Variants in RBFOX1 observed in about 807,000 individuals in gnomAD.
RBFOX1 encodes RNA binding fox-1 homolog 1, also known as RNA binding protein fox-1 homolog 1.
In RBFOX1, 8 loss-of-function variants were observed where a neutral mutation model predicts 57.7. That is an observed-to-expected ratio of 0.14 (90% CI 0.08 to 0.25). The LOEUF (loss-of-function observed/expected upper bound fraction) is 0.25, where lower values mean the gene tolerates loss of function less well. RBFOX1 is among the 10% of genes least tolerant of loss of function. The pLI, the probability that RBFOX1 is intolerant of heterozygous loss-of-function variation, is 1.00. For synonymous variants in RBFOX1, 326 were observed against 222.4 expected, an observed-to-expected ratio of 1.47 and a Z score of -4.15; for missense variants, 611 against 548.5, an observed-to-expected ratio of 1.11 and a Z score of -1.14.
chr16:6,442,234 C>T (rs550067195), intron 2 of RBFOX1, among the ~76,000 whole-genome samples: 24 of 152,214 alleles, frequency 1.6e-4, no homozygotes, highest in Non-Finnish European at 2.2e-4. Flanking sequence ...GGGGACACAT[C>T]CACTCGAATG....
At chr16:7,412,732 T>G (rs2098441485) in intron 4 of RBFOX1, among the ~76,000 whole-genome samples, 1 of 152,190 alleles carries the variant, frequency 6.6e-6, no homozygotes, top group South Asian at 2.1e-4. Flanking sequence ...AATTCAGATT[T>G]TCCCAGGCTG....
intron 3 of RBFOX1, among the ~76,000 whole-genome samples, chr16:6,686,305 C>G (rs1603415226): frequency 6.6e-6 from 1 of 152,164 alleles, no homozygotes; most frequent in African/African-American, 2.4e-5. Context: ...GGGAACTTCA[C>G]AGATTTGTGT....
At chr16:7,049,862 CATAAA>C (rs1200316265) in intron 3 of RBFOX1, among the ~76,000 whole-genome samples, 1 of 152,166 alleles carries the variant, frequency 6.6e-6, no homozygotes, top group African/African-American at 2.4e-5. Flanking sequence ...TTAAAATACA[CATAAA>C]ATAAAATTTA....
At chr16:7,249,366 C>T (rs531694335) in intron 4 of RBFOX1, among the ~76,000 whole-genome samples, 1 of 151,948 alleles carries the variant, frequency 6.6e-6, no homozygotes, top group Non-Finnish European at 1.5e-5. Flanking sequence ...AGAACAAAAT[C>T]TACCTGAGAA....
At chr16:6,194,888 G>C (rs1166852377) in intron 1 of RBFOX1, among the ~76,000 whole-genome samples, 2 of 152,168 alleles carry the variant, frequency 1.3e-5, no homozygotes, top group Non-Finnish European at 2.9e-5. Context: ...CTTAATATCT[G>C]AGTGACTACT....
chr16:6,731,335 A>G (rs909654482), intron 3 of RBFOX1, among the ~76,000 whole-genome samples: 1 of 152,158 alleles, frequency 6.6e-6, no homozygotes, highest in Non-Finnish European at 1.5e-5. Flanking sequence ...CTGACCATAT[A>G]TCATTGTGGA....
intron 2 of RBFOX1, among the ~76,000 whole-genome samples, chr16:5,474,846 T>C (rs1260764495): frequency 6.6e-6 from 1 of 152,230 alleles, no homozygotes; most frequent in Non-Finnish European, 1.5e-5. Context: ...CCCGTACATA[T>C]TCTGAGCCCA....
chr16:6,250,713 A>G (rs2097603020), intron 1 of RBFOX1, among the ~76,000 whole-genome samples: 1 of 152,142 alleles, frequency 6.6e-6, no homozygotes, highest in Non-Finnish European at 1.5e-5. Context: ...TGTTGCAGAG[A>G]GGAAACAGAC....
At chr16:5,956,159 T>C (rs897179559) in intron 4 of RBFOX1, among the ~76,000 whole-genome samples, 1 of 151,940 alleles carries the variant, frequency 6.6e-6, no homozygotes, top group African/African-American at 2.4e-5. Context: ...ACCTGTACCC[T>C]CAGCTGCTCC....
chr16:6,398,790 A>G lies in RBFOX1; in HGVS notation c.-64+81733A>G, dbSNP rs187409116. Among the ~76,000 whole-genome samples, 168 of 152,314 alleles carry G rather than the reference A, an allele frequency of 1.1e-3. 2 individuals carry two copies. Among genetic ancestry groups the G allele is most frequent in the East Asian group, 9.7e-4 (5 of 5,168 alleles). On this transcript the variant is annotated intron_variant, in intron 2 of 15. Coordinates refer to ENST00000550418, the MANE Select transcript of RBFOX1 (RefSeq NM_018723.4). Reference sequence around the variant, plus strand: ...TGCAGCTTTTCCAGGTGCACAGTCCAGGCTGTCGCTAGATCTACCATGCTA... The same window carrying G: ...TGCAGCTTTTCCAGGTGCACAGTCCGGGCTGTCGCTAGATCTACCATGCTA...
At chr16:5,859,886 G>A (rs1188468450) in intron 3 of RBFOX1, among the ~76,000 whole-genome samples, 2 of 152,200 alleles carry the variant, frequency 1.3e-5, no homozygotes, top group East Asian at 1.9e-4. Flanking sequence ...CTGGGCATGA[G>A]TTGACTCAGG....
At chr16:6,123,292 A>G (rs544711440) in intron 1 of RBFOX1, among the ~76,000 whole-genome samples, 1 of 152,386 alleles carries the variant, frequency 6.6e-6, no homozygotes, top group East Asian at 1.9e-4. Flanking sequence ...AAGATGTGGT[A>G]CATATATACA....
At chr16:5,737,523 G>C (rs2052621036) in intron 3 of RBFOX1, among the ~76,000 whole-genome samples, 1 of 132,368 alleles carries the variant, frequency 7.6e-6, no homozygotes, top group Non-Finnish European at 1.6e-5. Context: ...AAATATTCTG[G>C]ATTTTTTTTT....
chr16:6,454,231 A>G (rs1158755574), intron 2 of RBFOX1, among the ~76,000 whole-genome samples: 1 of 152,204 alleles, frequency 6.6e-6, no homozygotes, highest in Non-Finnish European at 1.5e-5. Context: ...GGAGTGGGGC[A>G]AGTATGCCAT....
At chr16:7,193,399 C>T (rs1387513979) in intron 4 of RBFOX1, among the ~76,000 whole-genome samples, 1 of 152,174 alleles carries the variant, frequency 6.6e-6, no homozygotes, top group African/African-American at 2.4e-5. Flanking sequence ...CTGGATGAGA[C>T]CTGCATCAGA....
At chr16:7,064,161 CTTTTT>C (rs869135535) in intron 4 of RBFOX1, among the ~76,000 whole-genome samples, 2 of 96,822 alleles carry the variant, frequency 2.1e-5, no homozygotes. Flanking sequence ...GACTGGTGTT[CTTTTT>C]TTTTTTTTTT....
chr16:5,536,856 A>C (rs936621375), intron 2 of RBFOX1, among the ~76,000 whole-genome samples: 4 of 152,174 alleles, frequency 2.6e-5, no homozygotes, highest in Admixed American at 2.6e-4. Flanking sequence ...CTGTACCTGT[A>C]CCATACAAAT....
chr16:5,452,476 A>G (rs947622318), intron 1 of RBFOX1, among the ~76,000 whole-genome samples: 2 of 151,788 alleles, frequency 1.3e-5, no homozygotes, highest in African/African-American at 2.4e-5. Flanking sequence ...CACTTCTTAA[A>G]CATTTCTTGA....
At chr16:7,166,133 C>G (rs2079460474) in intron 4 of RBFOX1, among the ~76,000 whole-genome samples, 1 of 152,088 alleles carries the variant, frequency 6.6e-6, no homozygotes, top group South Asian at 2.1e-4. Context: ...CCTGCTTCAG[C>G]CTTCCGAGTA....
Sources: allele counts gnomAD v4.1 joint callset (sites outside exome capture counted in the v4.1 genomes callset), GRCh38; gene constraint gnomAD v4.1.1; transcripts MANE v1.5; gene names NCBI Gene and HGNC (gene_info 2026-07-23, HGNC 2026-07-21).